The following FAM107B variants were observed in gnomAD, a reference collection of about 807,000 sequenced individuals.
The protein encoded by FAM107B is protein FAM107B.
In FAM107B, 21 loss-of-function variants were observed where a neutral mutation model predicts 31.5. The observed-to-expected ratio is 0.67, with a 90% confidence interval of 0.47 to 0.96. The LOEUF (loss-of-function observed/expected upper bound fraction) is 0.96, where lower values mean the gene tolerates loss of function less well. Among genes scored for constraint, FAM107B ranks in the 40% least tolerant of loss-of-function variants. The pLI is 0.00. For missense variants in FAM107B, 452 were observed against 377.1 expected (o/e 1.20, Z -1.64); for synonymous variants, 157 against 141.5 (o/e 1.11, Z -0.78).
intron 2 of FAM107B, among the ~76,000 whole-genome samples, chr10:14,559,107 AAAAAAAAAAAC>A (rs1352845893): frequency 0.019 from 1,822 of 95,992 alleles, 31 homozygotes; most frequent in African/African-American, 0.043. Context: ...TTCAAAAAAA[AAAAAAAAAAAC>A]AAAAAAAAAA....
chr10:14,526,505 T>C (rs1432833146), intron 3 of FAM107B, among the ~76,000 whole-genome samples: 1 of 152,236 alleles, frequency 6.6e-6, no homozygotes, highest in African/African-American at 2.4e-5. Flanking sequence ...TTTAATCTTG[T>C]AATCTTTGGT....
intron 2 of FAM107B, among the ~76,000 whole-genome samples, chr10:14,634,671 T>C (rs1190693218): frequency 6.6e-6 from 1 of 152,132 alleles, no homozygotes; most frequent in Non-Finnish European, 1.5e-5. Context: ...AGGAAGGGTC[T>C]ACATTTGGGA....
At chr10:14,653,569 A>G (rs965212427) in intron 2 of FAM107B, among the ~76,000 whole-genome samples, 1 of 152,130 alleles carries the variant, frequency 6.6e-6, no homozygotes, top group Non-Finnish European at 1.5e-5. Context: ...CACCTGTGCC[A>G]TCATGGTGCA....
intron 2 of FAM107B, among the ~76,000 whole-genome samples, chr10:14,629,039 T>A (rs1367389806): frequency 6.7e-6 from 1 of 150,306 alleles, no homozygotes; most frequent in Non-Finnish European, 1.5e-5. Flanking sequence ...ATATTACAAG[T>A]CTCAGGAAAG....
chr10:14,731,199 TA>T (rs1408138999), intron 1 of FAM107B, among the ~76,000 whole-genome samples: 1 of 152,056 alleles, frequency 6.6e-6, no homozygotes, highest in Non-Finnish European at 1.5e-5. Context: ...TGTCAGGTAC[TA>T]AAAAAATAAG....
In FAM107B at chr10:14,768,321, G is replaced by T. The variant is rs186811183; in HGVS notation, c.411+5932C>A. Among the ~76,000 whole-genome samples the T allele has an allele frequency of 2.5e-3, 385 of 152,250 alleles. 7 individuals carry two copies. Among genetic ancestry groups the T allele is most frequent in the African/African-American group, 9.1e-3 (377 of 41,550 alleles). ...TCCTAAAATTTATAGAGAATCTCAA[G>T]AGACCCCAAATGATCAAAACAATCT... On this transcript the variant is annotated intron_variant, in intron 1 of 4. Transcript: ENST00000181796.
intron 3 of FAM107B, among the ~76,000 whole-genome samples, chr10:14,524,572 A>G (rs1275859004): frequency 6.6e-6 from 1 of 152,228 alleles, no homozygotes; most frequent in Non-Finnish European, 1.5e-5. Context: ...TAATCAGCAC[A>G]ATATAAGTTG....
intron 2 of FAM107B, among the ~76,000 whole-genome samples, chr10:14,534,611 C>G (rs1847409243): frequency 6.6e-6 from 1 of 152,194 alleles, no homozygotes; most frequent in Admixed American, 6.5e-5. Context: ...AGCACTGCAC[C>G]CTCCGAAGGC....
chr10:14,631,356 T>C (rs1213885310), intron 2 of FAM107B, among the ~76,000 whole-genome samples: 2 of 152,248 alleles, frequency 1.3e-5, no homozygotes, highest in African/African-American at 2.4e-5. Context: ...AGATTTGTCA[T>C]GGCTTTCCTG....
At chr10:14,736,866 T>G (rs1856311091) in intron 1 of FAM107B, among the ~76,000 whole-genome samples, 2 of 152,158 alleles carry the variant, frequency 1.3e-5, no homozygotes, top group South Asian at 4.1e-4. Context: ...AGCAGTTGAA[T>G]GTTGTGGTTT....
chr10:14,731,591 A>G (rs1276892018), intron 1 of FAM107B, among the ~76,000 whole-genome samples: 1 of 152,186 alleles, frequency 6.6e-6, no homozygotes, highest in African/African-American at 2.4e-5. Context: ...AAATGAGTTT[A>G]CAAGAAACTT....
chr10:14,752,572 C>A (rs549683322), intron 1 of FAM107B, among the ~76,000 whole-genome samples: 6 of 152,306 alleles, frequency 3.9e-5, no homozygotes, highest in African/African-American at 1.4e-4. Context: ...AGTTTAATCG[C>A]ATCGTGTATG....
At chr10:14,632,304 CAAAAAAAA>C (rs60289509) in intron 2 of FAM107B, among the ~76,000 whole-genome samples, 2 of 56,586 alleles carry the variant, frequency 3.5e-5, no homozygotes, top group Admixed American at 2.5e-4. Flanking sequence ...GACTCTGTCT[CAAAAAAAA>C]AAAAAAAAAA....
At position 14,518,901 on chromosome 10, in the gene FAM107B, A is replaced by G. The variant is rs1267266642; in HGVS notation, c.*2289T>C. The G allele has an allele frequency of 6.6e-6, 1 of 152,636 alleles. No individual in the cohort carries two copies. Among genetic ancestry groups the G allele is most frequent in the Non-Finnish European group, 1.5e-5 (1 of 68,056 alleles). 9.5% of individuals were successfully genotyped at this position (152,636 alleles called of 1,614,324 possible). A position where few individuals can be genotyped will look rare whatever the true frequency, so the allele number is the denominator to read the frequency against. On this transcript the variant is annotated 3_prime_UTR_variant, in exon 5 of 5. Coordinates refer to ENST00000181796, the MANE Select transcript of FAM107B (RefSeq NM_031453.4). ...TGGCTCAAAGCACAAAACTGCTCAG[A>G]TGTTCAAGAGTCCTAGGAGTTTGGG...
At chr10:14,707,664 G>A (rs1855552770) in intron 1 of FAM107B, among the ~76,000 whole-genome samples, 1 of 152,210 alleles carries the variant, frequency 6.6e-6, no homozygotes, top group South Asian at 2.1e-4. Context: ...AGATTAAGGA[G>A]CCACATGGCT....
chr10:14,638,706 A>T (rs1157680175), intron 2 of FAM107B, among the ~76,000 whole-genome samples: 1 of 151,982 alleles, frequency 6.6e-6, no homozygotes, highest in Non-Finnish European at 1.5e-5. Context: ...GCTCTTTTTT[A>T]TTCCTTACTA....
At chr10:14,701,842 TC>T (rs767358184) in intron 1 of FAM107B, among the ~76,000 whole-genome samples, 9 of 151,672 alleles carry the variant, frequency 5.9e-5, no homozygotes, top group Non-Finnish European at 4.4e-5. Context: ...AGCAGGGGAG[TC>T]CCTGGAACCT....
chr10:14,760,991 G>A (rs1357450431), intron 1 of FAM107B, among the ~76,000 whole-genome samples: 15 of 119,740 alleles, frequency 1.3e-4, no homozygotes, highest in African/African-American at 2.0e-4. Context: ...CAGCCTGGGC[G>A]ACAGAGCAAG....
intron 2 of FAM107B, among the ~76,000 whole-genome samples, chr10:14,546,975 C>G (rs935813718): frequency 6.6e-6 from 1 of 152,202 alleles, no homozygotes; most frequent in Non-Finnish European, 1.5e-5. Flanking sequence ...CTTTAATCTC[C>G]TACCTCCTAG....
Sources: allele counts gnomAD v4.1 joint callset (sites outside exome capture counted in the v4.1 genomes callset), GRCh38; gene constraint gnomAD v4.1.1; transcripts MANE v1.5; gene names NCBI Gene and HGNC (gene_info 2026-07-23, HGNC 2026-07-21).